PACRG: variants seen among roughly 807,000 people sequenced by gnomAD.
The protein encoded by PACRG is parkin coregulated.
In PACRG, 29 loss-of-function variants were observed where a neutral mutation model predicts 29.7. That is an observed-to-expected ratio of 0.98 (90% CI 0.73 to 1.33). PACRG has a LOEUF of 1.33. PACRG is among the 40% of genes most tolerant of loss of function. The pLI, the probability that PACRG is intolerant of heterozygous loss-of-function variation, is 0.00. For synonymous variants in PACRG, 116 were observed against 118.7 expected (o/e 0.98, Z 0.15); for missense variants, 279 against 316.2 (o/e 0.88, Z 0.89).
chr6:162,738,458 T>C (rs1780333722), intron 1 of PACRG, among the ~76,000 whole-genome samples: 1 of 152,224 alleles, frequency 6.6e-6, no homozygotes, highest in African/African-American at 2.4e-5. Context: ...CAAATTATAC[T>C]AACACAGCTA....
chr6:162,730,104 T>A (rs1244241638), intron 1 of PACRG, among the ~76,000 whole-genome samples: 1 of 151,242 alleles, frequency 6.6e-6, no homozygotes, highest in Non-Finnish European at 1.5e-5. Context: ...TAAGCACAGT[T>A]CTGGGGATTT....
intron 2 of PACRG, among the ~76,000 whole-genome samples, chr6:162,989,021 T>C (rs576469490): frequency 3.4e-4 from 52 of 152,068 alleles, no homozygotes; most frequent in African/African-American, 1.2e-3. Context: ...AAATTCAATA[T>C]ACTTTTTAAA....
At chr6:163,131,327 AAAAAAAAAAAG>A (rs1816732627) in intron 4 of PACRG, among the ~76,000 whole-genome samples, 1 of 21,616 alleles carries the variant, frequency 4.6e-5, no homozygotes, top group African/African-American at 9.5e-5. Context: ...AAAAAAAAAA[AAAAAAAAAAAG>A]AAGAAGAGAA....
At chr6:162,875,216 CACATGCACACACAG>C (rs1343001445) in intron 2 of PACRG, among the ~76,000 whole-genome samples, 4 of 151,784 alleles carry the variant, frequency 2.6e-5, no homozygotes, top group Admixed American at 6.6e-5. Flanking sequence ...TTCACACACA[CACATGCACACACAG>C]ACATGCACAG....
At position 163,100,726 on chromosome 6, in the gene PACRG, T is replaced by TGG. The variant is rs766977614; in HGVS notation, c.613+11319_613+11320insGG. On this transcript the variant is annotated intron_variant, in intron 4 of 4. Transcript: ENST00000366888. The stretch of plus-strand genomic sequence containing the variant: ...GTATGAAATCAGCTTTCCATTTTAT[T>TGG]GCCTTTCTTAAAAATCTGTAATTTT... 8 of 911,794 alleles carry TGG rather than the reference T, an allele frequency of 8.8e-6. No homozygotes were observed. The East Asian group carries it at 5.9e-4, about 67-fold the overall frequency. 56.5% of individuals were successfully genotyped at this position (911,794 alleles called of 1,614,324 possible). A position where few individuals can be genotyped will look rare whatever the true frequency, so the allele number is the denominator to read the frequency against.
At chr6:162,905,911 C>T (rs1042354134) in intron 2 of PACRG, among the ~76,000 whole-genome samples, 1 of 152,192 alleles carries the variant, frequency 6.6e-6, no homozygotes, top group Non-Finnish European at 1.5e-5. Flanking sequence ...CCCCAGCAAA[C>T]TAGAACCCGT....
chr6:163,093,639 A>G (rs1814315681), intron 4 of PACRG, among the ~76,000 whole-genome samples: 1 of 152,340 alleles, frequency 6.6e-6, no homozygotes, highest in Non-Finnish European at 1.5e-5. Context: ...AACAGTACCA[A>G]TAGTTCTGAA....
rs112363646 is a variant in PACRG, at chr6:162,930,512, C to A, written c.291+116231C>A. Among the ~76,000 whole-genome samples the A allele has an allele frequency of 5.1e-3, 776 of 151,842 alleles. 12 individuals carry two copies. The highest frequency in any genetic ancestry group is 0.018 in the African/African-American group (745 of 41,478). On this transcript the variant is annotated intron_variant, in intron 2 of 4. Transcript: ENST00000366888. ...TTTTGCAGTAAATCTTTAGGCTTTT[C>A]TATATATAATATGATATCTTTGAAC...
intron 2 of PACRG, among the ~76,000 whole-genome samples, chr6:163,059,050 G>A (rs1394779935): frequency 6.6e-6 from 1 of 151,212 alleles, no homozygotes; most frequent in Non-Finnish European, 1.5e-5. Flanking sequence ...CTGCCCTCCA[G>A]GCTGGGCAAC....
intron 2 of PACRG, among the ~76,000 whole-genome samples, chr6:162,940,459 C>T (rs1221686852): frequency 6.6e-6 from 1 of 152,072 alleles, no homozygotes; most frequent in Non-Finnish European, 1.5e-5. Context: ...TGTCTTCTTT[C>T]TCTTCTTCCT....
At chr6:163,273,151 C>G (rs568432055) in intron 4 of PACRG, among the ~76,000 whole-genome samples, 10 of 146,720 alleles carry the variant, frequency 6.8e-5, no homozygotes, top group Non-Finnish European at 1.3e-4. Flanking sequence ...CCTCGGCCTC[C>G]CAAAGTGCTG....
intron 2 of PACRG, among the ~76,000 whole-genome samples, chr6:162,947,379 T>TATATATAATCATATATAATATATAATC (rs1562765955): frequency 1.1e-4 from 13 of 116,590 alleles, no homozygotes; most frequent in Non-Finnish European, 1.9e-4. Flanking sequence ...TATATAATCA[T>TATATATAATCATATATAATATATAATC]ATATATAATC....
upstream of PACRG, chr6:162,727,970 A>G (rs1454094137): frequency 6.7e-6 from 4 of 600,250 alleles, no homozygotes; most frequent in Non-Finnish European, 1.2e-5. Context: ...CGTGTTGACC[A>G]GTCGCTTAGC....
Position 163,138,074 on chromosome 6 carries a change from C to T in PACRG, c.613+48666C>T, listed in dbSNP as rs1028032585. 2.6e-5 allele frequency among the ~76,000 whole-genome samples: 4 copies of T among 152,224 alleles called. No individual in the cohort carries two copies. In the South Asian group the frequency reaches 6.2e-4, roughly 24 times the overall value. ...GAAGGAGTGGGGGAGCCTGTCGGAG[C>T]CGCCTGGGGCATTAGCAGATCCAAG... On this transcript the variant is annotated intron_variant, in intron 4 of 4. Transcript: ENST00000366888.
At chr6:162,860,814 C>G (rs1323689736) in intron 2 of PACRG, among the ~76,000 whole-genome samples, 1 of 152,174 alleles carries the variant, frequency 6.6e-6, no homozygotes, top group Non-Finnish European at 1.5e-5. Context: ...ATTATTCTCT[C>G]CTTGTCCTGG....
intron 2 of PACRG, among the ~76,000 whole-genome samples, chr6:162,971,772 A>G (rs528749649): frequency 2.0e-4 from 31 of 152,308 alleles, no homozygotes; most frequent in Admixed American, 3.3e-4. Context: ...GGGAAGCACA[A>G]GGATCTCTGC....
chr6:162,871,133 G>C (rs1471635180), intron 2 of PACRG, among the ~76,000 whole-genome samples: 2 of 152,200 alleles, frequency 1.3e-5, no homozygotes, highest in African/African-American at 4.8e-5. Context: ...GGGTTAGTCA[G>C]AAAAGGCTTT....
At chr6:163,036,748 CTAAAG>C (rs1308491432) in intron 2 of PACRG, among the ~76,000 whole-genome samples, 1 of 152,188 alleles carries the variant, frequency 6.6e-6, no homozygotes, top group Non-Finnish European at 1.5e-5. Flanking sequence ...TTTCCACACA[CTAAAG>C]TAGAGGACAC....
At chr6:162,950,060 AGT>A (rs1273667117) in intron 2 of PACRG, among the ~76,000 whole-genome samples, 1 of 152,200 alleles carries the variant, frequency 6.6e-6, no homozygotes, top group African/African-American at 2.4e-5. Context: ...AATAATTTTT[AGT>A]GTTTTTTAAA....
Sources: gnomAD v4.1 joint callset for allele counts (sites outside exome capture counted in the v4.1 genomes callset) on GRCh38, gnomAD v4.1.1 for gene constraint, MANE v1.5 for transcripts, NCBI Gene and HGNC (gene_info 2026-07-23, HGNC 2026-07-21) for gene names.